MAP3K20: variants seen among roughly 807,000 people sequenced by gnomAD.
MAP3K20 encodes the protein HCCS-4.
MAP3K20 carries 40 observed loss-of-function variants against 85.7 expected under a neutral mutation model. The ratio of observed to expected loss-of-function variants is 0.47; its 90% CI spans 0.36 to 0.61. The LOEUF is 0.61. Ranked by LOEUF, MAP3K20 falls within the 20% of genes least tolerant of loss-of-function variation. MAP3K20 has a pLI of 0.00. For missense variants in MAP3K20, 817 were observed against 961.7 expected (o/e 0.85, Z 1.99); for synonymous variants, 325 against 327.7 (o/e 0.99, Z 0.09).
chr2:173,226,089 GTTTTTAACCAGTGAT>G, intron 11 of MAP3K20: 1 of 981,586 alleles, frequency 1.0e-6, no homozygotes. Context: ...TTGAGGGTGG[GTTTTTAACCAGTGAT>G]TTTTAACGTG....
intron 2 of MAP3K20, among the ~76,000 whole-genome samples, chr2:173,138,987 TACTC>T (rs141896072): frequency 1.1e-3 from 160 of 152,336 alleles, no homozygotes; most frequent in African/African-American, 3.7e-3. Context: ...GGTTCAATCA[TACTC>T]ACCATTCAGA....
rs192232841 is a variant in MAP3K20, at chr2:173,247,018, C to T, written c.1359+7522C>T. On this transcript the variant is annotated intron_variant, in intron 16 of 19. Coordinates refer to ENST00000375213, the MANE Select transcript of MAP3K20 (RefSeq NM_016653.3). ...TTTGGAAGAGGTAGAAGCAGAATTACTGATGCCCACAAAGTGGAAGCTTAT... is the reference window on the plus strand; with the variant it reads ...TTTGGAAGAGGTAGAAGCAGAATTATTGATGCCCACAAAGTGGAAGCTTAT... Among the ~76,000 whole-genome samples the T allele has an allele frequency of 2.3e-4, 35 of 152,328 alleles. No individual in the cohort carries two copies. The East Asian group carries it at 6.0e-3, about 26-fold the overall frequency.
chr2:173,247,094 T>A (rs145100514), intron 16 of MAP3K20, among the ~76,000 whole-genome samples: 2,244 of 152,308 alleles, frequency 0.015, 68 homozygotes, highest in Admixed American at 0.062. Context: ...CTTCCACCCT[T>A]GCCATTGTTA....
At chr2:173,192,724 A>C (rs1166515989) in intron 7 of MAP3K20, among the ~76,000 whole-genome samples, 1 of 151,944 alleles carries the variant, frequency 6.6e-6, no homozygotes, top group Admixed American at 6.6e-5. Flanking sequence ...GCAATTTAAG[A>C]CTCTTTGTAA....
chr2:173,166,950 T>A (rs899679263), intron 2 of MAP3K20: 4 of 150,080 alleles, frequency 2.7e-5, no homozygotes, highest in African/African-American at 9.9e-5. Context: ...TCTCGCTCTT[T>A]CGCCCAGGCT....
At chr2:173,144,583 A>G (rs1430221049) in intron 2 of MAP3K20, among the ~76,000 whole-genome samples, 2 of 151,996 alleles carry the variant, frequency 1.3e-5, no homozygotes, top group African/African-American at 4.8e-5. Flanking sequence ...CTGTAATCAC[A>G]GCTACTGGGG....
At chr2:173,184,610 A>C (rs1690430034) in intron 4 of MAP3K20, among the ~76,000 whole-genome samples, 1 of 152,190 alleles carries the variant, frequency 6.6e-6, no homozygotes, top group Admixed American at 6.5e-5. Context: ...GAAGGAATCG[A>C]ATTAGGTAGC....
intron 2 of MAP3K20, among the ~76,000 whole-genome samples, chr2:173,130,643 G>C (rs1688589943): frequency 6.6e-6 from 1 of 152,194 alleles, no homozygotes; most frequent in Non-Finnish European, 1.5e-5. Context: ...GTTGGATCCT[G>C]TCCAAAGTAT....
chr2:173,096,323 A>G (rs1192798385), intron 2 of MAP3K20, among the ~76,000 whole-genome samples: 10 of 145,150 alleles, frequency 6.9e-5, no homozygotes, highest in Non-Finnish European at 1.5e-5. Context: ...AATGTATGTC[A>G]CTCTCTTTTT....
intron 16 of MAP3K20, among the ~76,000 whole-genome samples, chr2:173,241,246 A>C (rs1480769170): frequency 6.6e-6 from 1 of 152,214 alleles, no homozygotes; most frequent in Non-Finnish European, 1.5e-5. Context: ...GGATGTCCGT[A>C]ACACAAAGAA....
At chr2:173,190,951 A>C in intron 6 of MAP3K20, 28 bp downstream of exon 6, 1 of 1,607,946 alleles carries the variant, frequency 6.2e-7, no homozygotes, top group Non-Finnish European at 8.5e-7. Flanking sequence ...ACTTAAAAAA[A>C]TTGTTAATTT....
chr2:173,243,533 G>A lies in MAP3K20; in HGVS notation c.1359+4037G>A, dbSNP rs115434781. On this transcript the variant is annotated intron_variant, in intron 16 of 19. Transcript: ENST00000375213. ...AAAGGGAGTGCCCAGAAAGGGGGCT[G>A]GCGACCAGAAAAAGCACTGTCTTAT... Among the ~76,000 whole-genome samples the A allele has an allele frequency of 1.0e-3, 152 of 152,314 alleles. 1 individual carries two copies. The highest frequency in any genetic ancestry group is 3.5e-3 in the African/African-American group (146 of 41,568).
rs556989786 is a variant in MAP3K20 at position 173,224,337 on chromosome 2, G to A, written c.988-5352G>A. ...CTCATTTAAGAATGATCAGCAATACGTTTAGAACATATGAACTGAATGAAA... is the reference window on the plus strand; with the variant it reads ...CTCATTTAAGAATGATCAGCAATACATTTAGAACATATGAACTGAATGAAA... On this transcript the variant is annotated intron_variant, in intron 11 of 19. Coordinates refer to ENST00000375213, the MANE Select transcript of MAP3K20 (RefSeq NM_016653.3). The A allele has an allele frequency of 4.8e-5, 47 of 985,256 alleles. No individual in the cohort carries two copies. In the South Asian group the frequency reaches 1.3e-3, roughly 27 times the overall value. 61.0% of individuals were successfully genotyped at this position (985,256 alleles called of 1,614,324 possible). A position where few individuals can be genotyped will look rare whatever the true frequency, so the allele number is the denominator to read the frequency against.
chr2:173,169,713 C>T, intron 2 of MAP3K20, 92 bp from the exon 3 acceptor site: 1 of 1,307,148 alleles, frequency 7.7e-7, no homozygotes. Flanking sequence ...CAGCAAGACC[C>T]TAACTCAAAA....
At chr2:173,245,096 A>AT (rs1181728683) in intron 16 of MAP3K20, among the ~76,000 whole-genome samples, 1 of 151,984 alleles carries the variant, frequency 6.6e-6, no homozygotes, top group African/African-American at 2.4e-5. Flanking sequence ...TAGTAGCTAC[A>AT]TTTTCCCTTT....
At chr2:173,133,497 GAGAGCATACCTTCAGAGAGTTAA>G (rs1414167612) in intron 2 of MAP3K20, among the ~76,000 whole-genome samples, 1 of 152,148 alleles carries the variant, frequency 6.6e-6, no homozygotes, top group African/African-American at 2.4e-5. Flanking sequence ...AGAGATAGTT[GAGAGCATACCTTCAGAGAGTTAA>G]AGAGCATACC....
chr2:173,120,972 G>T (rs950727396), intron 2 of MAP3K20, among the ~76,000 whole-genome samples: 1 of 151,736 alleles, frequency 6.6e-6, no homozygotes, highest in Non-Finnish European at 1.5e-5. Flanking sequence ...CTCCCAAAGT[G>T]CTGGGATTAC....
intron 2 of MAP3K20, among the ~76,000 whole-genome samples, chr2:173,141,778 C>G (rs933078940): frequency 6.6e-6 from 1 of 152,066 alleles, no homozygotes; most frequent in Non-Finnish European, 1.5e-5. Flanking sequence ...TCAGTCACAT[C>G]ATAGTTAAAC....
intron 2 of MAP3K20, among the ~76,000 whole-genome samples, chr2:173,145,212 A>G (rs1689103588): frequency 6.6e-6 from 1 of 152,078 alleles, no homozygotes; most frequent in Non-Finnish European, 1.5e-5. Flanking sequence ...TAAAAATAAA[A>G]TTCCAGCCTG....
Sources: gnomAD v4.1 joint callset for allele counts (sites outside exome capture counted in the v4.1 genomes callset) on GRCh38, gnomAD v4.1.1 for gene constraint, MANE v1.5 for transcripts, NCBI Gene and HGNC (gene_info 2026-07-23, HGNC 2026-07-21) for gene names.